VPS4A: variants seen among roughly 807,000 people sequenced by gnomAD.
The protein encoded by VPS4A is vacuolar protein sorting-associated protein 4A.
Under a neutral mutation model 52.3 loss-of-function variants are expected in VPS4A, and 20 were observed. The observed-to-expected ratio is 0.38, with a 90% confidence interval of 0.27 to 0.56. The LOEUF (loss-of-function observed/expected upper bound fraction) is 0.56, where lower values mean the gene tolerates loss of function less well. VPS4A is among the 20% of genes least tolerant of loss of function. VPS4A has a pLI of 0.72. For synonymous variants in VPS4A, 293 were observed against 227.7 expected (o/e 1.29, Z -2.58); for missense variants, 419 against 575.9 (o/e 0.73, Z 2.79).
chr16:69,317,662 G>A (rs922519444), intron 3 of VPS4A, among the ~76,000 whole-genome samples: 37 of 152,176 alleles, frequency 2.4e-4, no homozygotes, highest in Admixed American at 6.5e-4. Flanking sequence ...GCGTGGTGGC[G>A]GGCACCTGTA....
Position 69,320,681 on chromosome 16 carries a change from T to C in VPS4A, c.770-7T>C. The C allele has an allele frequency of 6.3e-7, 1 of 1,597,042 alleles. No individual in the cohort carries two copies. The highest frequency in any genetic ancestry group is 8.5e-7 in the Non-Finnish European group (1 of 1,171,792). On this transcript the variant is annotated splice_region_variant and splice_polypyrimidine_tract_variant and intron_variant, in intron 7 of 10. Transcript: ENST00000254950. This position sits in a 1 kb window ranked among gnomAD's most constrained non-coding sequence, Gnocchi z 4.2. The stretch of plus-strand genomic sequence containing the variant: ...GAGTCTGAGTCTTTGTCTCCCTTTC[T>C]CCACAGGGGTGGGGAATAACAATGA...
chr16:69,325,747 A>C lies in VPS4A; in HGVS notation c.*1438A>C, dbSNP rs993567834. 6.6e-6 allele frequency: 1 copy of C among 151,698 alleles called. No individual in the cohort carries two copies. The highest frequency in any genetic ancestry group is 2.4e-5 in the African/African-American group (1 of 41,288). 9.4% of individuals were successfully genotyped at this position (151,698 alleles called of 1,614,324 possible). ...GACTCTGTCTCAAAAAAAAAAAAAAAGTCGAGAGTTGACATAAAAATTCAG... is the reference window on the plus strand; with the variant it reads ...GACTCTGTCTCAAAAAAAAAAAAAACGTCGAGAGTTGACATAAAAATTCAG... On this transcript the variant is annotated 3_prime_UTR_variant, in exon 11 of 11. Coordinates refer to ENST00000254950, the MANE Select transcript of VPS4A (RefSeq NM_013245.3).
chr16:69,322,484 T>C, intron 9 of VPS4A, 76 bp from the exon 10 acceptor site: 1 of 1,453,886 alleles, frequency 6.9e-7, no homozygotes, highest in East Asian at 2.4e-5. Flanking sequence ...TCTTTGGGAC[T>C]TCCTTAGAGA....
chr16:69,325,877 C>G lies in VPS4A; in HGVS notation c.*1568C>G, dbSNP rs1440528287. ...AGAGGCTGCTCTGTACAGAAGGGGT[C>G]CCCCATCCCCACTCATCTGTGTTGC... On this transcript the variant is annotated 3_prime_UTR_variant, in exon 11 of 11. Transcript: ENST00000254950. The G allele has an allele frequency of 6.6e-6, 1 of 152,182 alleles. No individual in the cohort carries two copies. The highest frequency in any genetic ancestry group is 2.4e-5 in the African/African-American group (1 of 41,406). The allele number at this position is 152,182 out of a possible 1,614,324, so 9.4% of individuals were successfully genotyped here. A position where few individuals can be genotyped will look rare whatever the true frequency, so the allele number is the denominator to read the frequency against.
At chr16:69,317,807 C>T (rs1475286319) in intron 3 of VPS4A, among the ~76,000 whole-genome samples, 1 of 151,680 alleles carries the variant, frequency 6.6e-6, no homozygotes, top group African/African-American at 2.4e-5. Context: ...AAAAAATTAG[C>T]CAGGCATTGT....
chr16:69,318,986 C>T, intron 5 of VPS4A, 44 bp downstream of exon 5: 7 of 1,598,398 alleles, frequency 4.4e-6, no homozygotes, highest in Non-Finnish European at 6.0e-6. Context: ...AAATTCCAGG[C>T]TTCCGCAGGG....
intron 10 of VPS4A, among the ~76,000 whole-genome samples, chr16:69,323,962 A>AAAAG (rs1165226369): frequency 3.3e-5 from 5 of 151,330 alleles, no homozygotes; most frequent in South Asian, 2.1e-4. Context: ...AAAAAAAAAA[A>AAAAG]AAAGAAAGCA....
intron 1 of VPS4A, among the ~76,000 whole-genome samples, chr16:69,315,664 G>C (rs572858035): frequency 2.9e-4 from 44 of 152,252 alleles, no homozygotes; most frequent in African/African-American, 1.1e-3. Context: ...CAGGCTCTCA[G>C]CTCGGGTCTG....
intron 3 of VPS4A, among the ~76,000 whole-genome samples, chr16:69,317,941 TG>T (rs1401322642): frequency 2.5e-5 from 3 of 118,822 alleles, no homozygotes; most frequent in East Asian, 5.0e-4. Flanking sequence ...CACTCCAACC[TG>T]GGCACCATCT....
At position 69,324,440 on chromosome 16, in the gene VPS4A, C is replaced by T. The variant is rs1024911318; in HGVS notation, c.*131C>T. 22 of 1,017,682 alleles carry T rather than the reference C, an allele frequency of 2.2e-5. 1 individual carries two copies. In the African/African-American group the frequency reaches 3.5e-4, roughly 16 times the overall value. 63.0% of individuals were successfully genotyped at this position (1,017,682 alleles called of 1,614,324 possible). On this transcript the variant is annotated 3_prime_UTR_variant, in exon 11 of 11. Transcript: ENST00000254950. ...ATACAGAGTTCCCTCTGCTGTCTGGCCGTCTGCCAGGGAGCCAGAAGGAAG... is the reference window on the plus strand; with the variant it reads ...ATACAGAGTTCCCTCTGCTGTCTGGTCGTCTGCCAGGGAGCCAGAAGGAAG...
chr16:69,314,501 G>T (rs1432962163), intron 1 of VPS4A, among the ~76,000 whole-genome samples: 1 of 152,172 alleles, frequency 6.6e-6, no homozygotes, highest in African/African-American at 2.4e-5. Flanking sequence ...TCATGCAGAA[G>T]AGGGCAGACA....
In VPS4A at chr16:69,321,144, G is replaced by T; in HGVS notation, c.945G>T (p.Thr315=). ...TCGGGAGCACTCCCCACAACCTCAC[G>T]GATGCAAACATCCACGAGCTGGCCC... The part of the protein sequence containing the change: ...LHLGSTPHNL[T]DANIHELARK... Residue 315 remains threonine, a synonymous_variant, in exon 9 of 11, where the codon ACG becomes ACT. Transcript: ENST00000254950. The surrounding 1 kb of genome is among the most constrained non-coding windows in gnomAD (Gnocchi z 4.5). The T allele has an allele frequency of 1.3e-6, 2 of 1,589,010 alleles. No homozygotes were observed. The highest frequency in any genetic ancestry group is 1.8e-5 in the Admixed American group (1 of 57,086).
At position 69,324,624 on chromosome 16, in the gene VPS4A, CT is replaced by C; in HGVS notation, c.*317del. 6.6e-6 allele frequency: 2 copies of C among 303,172 alleles called. No homozygotes were observed. Among genetic ancestry groups the C allele is most frequent in the Non-Finnish European group, 1.3e-5 (2 of 154,758 alleles). 18.8% of individuals were successfully genotyped at this position (303,172 alleles called of 1,614,324 possible). ...AAATTAATGCTGCTTGGATTTTCAT[CT>C]TATTTATAAAGATAAAATCACCTGG... On this transcript the variant is annotated 3_prime_UTR_variant, in exon 11 of 11. Transcript: ENST00000254950.
rs1476331456 is a variant in VPS4A, at chr16:69,319,620, A to G, written c.620+77A>G. On this transcript the variant is annotated intron_variant, in intron 6 of 10. Coordinates refer to ENST00000254950, the MANE Select transcript of VPS4A (RefSeq NM_013245.3). ...ACCCAGCGGCCCACCCTGTGGAGTC[A>G]CCTCTCAGAGGAGTGGTTTGGTTTT... 3 of 1,530,046 alleles carry G rather than the reference A, an allele frequency of 2.0e-6. No homozygotes were observed. The African/African-American group carries it at 4.1e-5, about 21-fold the overall frequency. 94.8% of individuals were successfully genotyped at this position (1,530,046 alleles called of 1,614,324 possible).
rs750332119 is a variant in VPS4A at position 69,316,131 on chromosome 16, G to T, written c.133+12G>T. ...CCACGCTATCAAGTGTGAGTCACAC[G>T]AGGGGTCCTCAGGCTGCCGCACTCC... is the stretch of plus-strand genomic sequence containing the variant. On this transcript the variant is annotated intron_variant, in intron 2 of 10. Coordinates refer to ENST00000254950, the MANE Select transcript of VPS4A (RefSeq NM_013245.3). 6.2e-7 allele frequency: 1 copy of T among 1,613,180 alleles called. No individual in the cohort carries two copies. Among genetic ancestry groups the T allele is most frequent in the East Asian group, 2.2e-5 (1 of 44,876 alleles).
Position 69,321,089 on chromosome 16 carries a change from C to T in VPS4A, c.890C>T (p.Ala297Val), listed in dbSNP as rs896113006. 1 of 1,595,974 alleles carries T rather than the reference C, an allele frequency of 6.3e-7. No homozygotes were observed. The highest frequency in any genetic ancestry group is 8.5e-7 in the Non-Finnish European group (1 of 1,171,370). The change falls in exon 9 of 11, where the codon GCT becomes GTT. Residue 297 changes from alanine to valine, a missense_variant. This residue lies in a region of VPS4A where 185 missense variants were observed against 200.2 expected (regional missense o/e 0.92). Transcript: ENST00000254950. This position sits in a 1 kb window ranked among gnomAD's most constrained non-coding sequence, Gnocchi z 4.5. ...KRIYIPLPEE[A>V]ARAQMFRLHL... Reference sequence around the variant, plus strand: ...ATTTATATCCCCTTGCCGGAGGAAGCTGCCCGCGCCCAGATGTTCCGGTTG... The same window carrying T: ...ATTTATATCCCCTTGCCGGAGGAAGTTGCCCGCGCCCAGATGTTCCGGTTG...
intron 1 of VPS4A, among the ~76,000 whole-genome samples, chr16:69,312,115 A>G (rs1413654547): frequency 6.6e-6 from 1 of 151,932 alleles, no homozygotes; most frequent in Non-Finnish European, 1.5e-5. Context: ...GAAGAGATCA[A>G]CATGCTCAGG....
rs143292768 is a variant in VPS4A, at chr16:69,323,943, C to CAAAAAAAA, written c.1213-265_1213-264insAAAAAAAA. On this transcript the variant is annotated intron_variant, in intron 10 of 10. Coordinates refer to ENST00000254950, the MANE Select transcript of VPS4A (RefSeq NM_013245.3). ...CCAGCCTGGGTGACAGACTCCGTCT[C>CAAAAAAAA]CAAAAAAAAAAAAAAAAAAAAAGAA... Among the ~76,000 whole-genome samples, 59 of 108,614 alleles carry CAAAAAAAA rather than the reference C, an allele frequency of 5.4e-4. 6 individuals carry two copies. The highest frequency in any genetic ancestry group is 1.5e-3 in the African/African-American group (39 of 25,676). 71.3% of individuals were successfully genotyped at this position (108,614 alleles called of 152,430 possible).
intron 3 of VPS4A, among the ~76,000 whole-genome samples, chr16:69,316,573 G>C (rs1445505363): frequency 6.6e-6 from 1 of 152,184 alleles, no homozygotes; most frequent in African/African-American, 2.4e-5. Context: ...CACAAGCCAT[G>C]GGGAGAGGGG....
Sources: allele counts gnomAD v4.1 joint callset (sites outside exome capture counted in the v4.1 genomes callset), GRCh38; gene constraint gnomAD v4.1.1; regional missense constraint gnomAD v4.1.1; non-coding constraint Gnocchi (gnomAD v3.1); transcripts MANE v1.5; gene names NCBI Gene and HGNC (gene_info 2026-07-23, HGNC 2026-07-21).